PSME4: variants seen among roughly 807,000 people sequenced by gnomAD.
The protein encoded by PSME4 is proteasome activator complex subunit 4.
Under a neutral mutation model 253.9 loss-of-function variants are expected in PSME4, and 89 were observed. The ratio of observed to expected loss-of-function variants is 0.35; its 90% CI spans 0.30 to 0.42. The LOEUF (loss-of-function observed/expected upper bound fraction) is 0.42, where lower values mean the gene tolerates loss of function less well. Ranked by LOEUF, PSME4 falls within the 10% of genes least tolerant of loss-of-function variation. The probability of loss-of-function intolerance (pLI) is 1.00; values close to 1 mark genes in which losing one functional copy is unlikely to be tolerated. For missense variants in PSME4, 2,014 were observed against 2,195.2 expected, an observed-to-expected ratio of 0.92 and a Z score of 1.65; for synonymous variants, 851 against 759.2, an observed-to-expected ratio of 1.12 and a Z score of -1.99.
intron 26 of PSME4, among the ~76,000 whole-genome samples, chr2:53,905,828 A>C (rs1206624083): frequency 6.6e-6 from 1 of 152,246 alleles, no homozygotes; most frequent in Non-Finnish European, 1.5e-5. Context: ...AAAAATAAAA[A>C]TAAAGTAAAA....
intron 40 of PSME4, 38 bp from the exon 41 acceptor site, chr2:53,885,813 A>G (rs1451535013): frequency 6.2e-6 from 9 of 1,453,852 alleles, no homozygotes; most frequent in Non-Finnish European, 8.7e-6. Context: ...AGTCTTTGCC[A>G]TTCATTTACA....
At chr2:53,947,932 C>G (rs1195745072) in intron 3 of PSME4, among the ~76,000 whole-genome samples, 5 of 151,726 alleles carry the variant, frequency 3.3e-5, no homozygotes, top group Non-Finnish European at 7.4e-5. Flanking sequence ...ACGCGAATCA[C>G]TTGAACCCGG....
chr2:53,933,325 C>G (rs530914019), intron 8 of PSME4, among the ~76,000 whole-genome samples: 9 of 132,200 alleles, frequency 6.8e-5, no homozygotes, highest in Admixed American at 5.5e-4. Context: ...TTGCAGTGAG[C>G]TGAAATCACG....
intron 1 of PSME4, among the ~76,000 whole-genome samples, chr2:53,956,438 G>A (rs2104483241): frequency 6.6e-6 from 1 of 151,940 alleles, no homozygotes; most frequent in African/African-American, 2.4e-5. Flanking sequence ...GCTGAGGCAG[G>A]AGAATCGCTT....
chr2:53,929,867 A>C (rs1668741598), intron 10 of PSME4, among the ~76,000 whole-genome samples: 1 of 151,594 alleles, frequency 6.6e-6, no homozygotes, highest in African/African-American at 2.4e-5. Flanking sequence ...AAAATACAAA[A>C]ATTGGCTGGG....
intron 1 of PSME4, among the ~76,000 whole-genome samples, chr2:53,958,183 C>CAAAAAA (rs1211892917): frequency 3.0e-5 from 2 of 65,800 alleles, no homozygotes; most frequent in African/African-American, 6.1e-5. Flanking sequence ...AAGACTCTGT[C>CAAAAAA]AAAAAAAAAA....
At chr2:53,903,517 T>C (rs1044025766) in intron 27 of PSME4, among the ~76,000 whole-genome samples, 1 of 152,172 alleles carries the variant, frequency 6.6e-6, no homozygotes, top group South Asian at 2.1e-4. Flanking sequence ...TCCTGTATAA[T>C]TTCCTTTCTT....
chr2:53,917,738 G>T (rs1668123520), intron 20 of PSME4, among the ~76,000 whole-genome samples: 1 of 152,090 alleles, frequency 6.6e-6, no homozygotes, highest in South Asian at 2.1e-4. Context: ...GCCATAAAAG[G>T]GTCAAGTTCT....
At chr2:53,866,361 A>T in intron 45 of PSME4, 138 bp from the exon 46 acceptor site, 1 of 905,350 alleles carries the variant, frequency 1.1e-6, no homozygotes, top group Non-Finnish European at 1.6e-6. Flanking sequence ...CAAAAAGCCA[A>T]TGAGAAGGAC....
chr2:53,928,890 G>A (rs1668689585), intron 10 of PSME4, among the ~76,000 whole-genome samples: 2 of 152,172 alleles, frequency 1.3e-5, no homozygotes, highest in Admixed American at 1.3e-4. Context: ...AGAGGCCAGG[G>A]TGTGATGGCT....
At chr2:53,932,186 G>T (rs1330437849) in intron 9 of PSME4, 86 bp from the exon 10 acceptor site, 14 of 1,274,562 alleles carry the variant, frequency 1.1e-5, no homozygotes, top group Non-Finnish European at 6.6e-6. Flanking sequence ...CTTGAGAAAA[G>T]ATTTTAAAAA....
rs147931725 is a variant in PSME4, at chr2:53,951,149, C to G, written c.243-1866G>C. 6.4e-4 allele frequency among the ~76,000 whole-genome samples: 98 copies of G among 152,282 alleles called. No individual in the cohort carries two copies. In the East Asian group the frequency reaches 0.018, roughly 29 times the overall value. On this transcript the variant is annotated intron_variant, in intron 1 of 46. Coordinates refer to ENST00000404125, the MANE Select transcript of PSME4 (RefSeq NM_014614.3). ...CCAGGCTGGAGTGCAGTGGCCTGAT[C>G]TCAGCTCACCGCAACCTCTGCCTCC...
In PSME4 at chr2:53,944,117, A is replaced by G. The variant is rs2104472000; in HGVS notation, c.501-4117T>C. On this transcript the variant is annotated intron_variant, in intron 3 of 46. Transcript: ENST00000404125. The stretch of plus-strand genomic sequence containing the variant: ...AGAAAGAACACTGTAGCACAGAAAC[A>G]ACTTTTGTGAGAAACACTATCAAAA... Among the ~76,000 whole-genome samples, 2 of 152,312 alleles carry G rather than the reference A, an allele frequency of 1.3e-5. 1 individual carries two copies. Among genetic ancestry groups the G allele is most frequent in the South Asian group, 4.1e-4 (2 of 4,824 alleles).
chr2:53,895,025 G>A lies in PSME4; in HGVS notation c.3894C>T (p.Ser1298=), dbSNP rs1680080015. ...TGCTTACCTCTGTCATATCCTCCCT[G>A]CTTCTGCCAAGCTTAGGCTGCTCTT... The part of the protein sequence containing the change: ...GVEEQPKLGR[S]REDMTEAEQI... Residue 1298 remains serine, a synonymous_variant, in exon 34 of 47, where the codon AGC becomes AGT. Transcript: ENST00000404125. The A allele has an allele frequency of 6.2e-7, 1 of 1,612,994 alleles. No homozygotes were observed. The highest frequency in any genetic ancestry group is 8.5e-7 in the Non-Finnish European group (1 of 1,179,768).
intron 41 of PSME4, among the ~76,000 whole-genome samples, chr2:53,883,477 T>A (rs1679488865): frequency 6.6e-6 from 1 of 151,762 alleles, no homozygotes; most frequent in African/African-American, 2.4e-5. Context: ...TGAGACTGTC[T>A]CAGAAAAAAG....
At chr2:53,968,911 C>A (rs999622261) in intron 1 of PSME4, among the ~76,000 whole-genome samples, 1 of 152,108 alleles carries the variant, frequency 6.6e-6, no homozygotes, top group Non-Finnish European at 1.5e-5. Flanking sequence ...TTGGTAGATT[C>A]TAGGTTTATA....
chr2:53,967,705 GCCTGAGAACCTT>G (rs1670812041), intron 1 of PSME4, among the ~76,000 whole-genome samples: 1 of 100,614 alleles, frequency 9.9e-6, no homozygotes, highest in African/African-American at 3.8e-5. Context: ...CAAATGTAAA[GCCTGAGAACCTT>G]CCAAACCAGA....
At position 53,962,959 on chromosome 2, in the gene PSME4, G is replaced by A. The variant is rs570789387; in HGVS notation, c.242+7584C>T. ...CAGGAAGTGGAGGCTGCAGTGAGCCGAGATCGCGCCACTGCACTCCAGCCT... is the reference window on the plus strand; with the variant it reads ...CAGGAAGTGGAGGCTGCAGTGAGCCAAGATCGCGCCACTGCACTCCAGCCT... On this transcript the variant is annotated intron_variant, in intron 1 of 46. Transcript: ENST00000404125. Among the ~76,000 whole-genome samples the A allele has an allele frequency of 9.3e-5, 14 of 150,844 alleles. No homozygotes were observed. The South Asian group carries it at 2.7e-3, about 29-fold the overall frequency.
chr2:53,966,488 C>T (rs975279783), intron 1 of PSME4, among the ~76,000 whole-genome samples: 1 of 151,812 alleles, frequency 6.6e-6, no homozygotes, highest in Non-Finnish European at 1.5e-5. Flanking sequence ...ATGGGGAAAC[C>T]CTGTCTCTAC....
Sources: allele counts gnomAD v4.1 joint callset (sites outside exome capture counted in the v4.1 genomes callset), GRCh38; gene constraint gnomAD v4.1.1; transcripts MANE v1.5; gene names NCBI Gene and HGNC (gene_info 2026-07-23, HGNC 2026-07-21).